NLRP13: variants seen among roughly 807,000 people sequenced by gnomAD.
NLRP13 encodes the protein NACHT, LRR and PYD domains-containing protein 13.
A neutral mutation model predicts 94.4 loss-of-function variants in NLRP13; 82 were observed. The ratio of observed to expected loss-of-function variants is 0.87; its 90% CI spans 0.73 to 1.04. NLRP13 has a LOEUF of 1.04. Ranked by LOEUF, NLRP13 falls within the 50% of genes least tolerant of loss-of-function variation. The pLI is 0.00. For synonymous variants in NLRP13, 553 were observed against 464.7 expected, an observed-to-expected ratio of 1.19 and a Z score of -2.45; for missense variants, 1,426 against 1,230.8, an observed-to-expected ratio of 1.16 and a Z score of -2.37.
chr19:55,924,575 A>C lies in NLRP13; in HGVS notation c.457+15T>G, dbSNP rs191058419. On this transcript the variant is annotated intron_variant, in intron 3 of 10. Transcript: ENST00000342929. ...TCAAGCAACCTGTCAATTATCAACC[A>C]AGTAATGTACACACCTGTTTCTTCT... is the stretch of plus-strand genomic sequence containing the variant. 2.2e-4 allele frequency: 352 copies of C among 1,599,188 alleles called. No homozygotes were observed. The highest frequency in any genetic ancestry group is 2.9e-4 in the Non-Finnish European group (340 of 1,166,932).
chr19:55,931,336 G>A (rs1230682228), intron 1 of NLRP13, among the ~76,000 whole-genome samples: 1 of 152,062 alleles, frequency 6.6e-6, no homozygotes, highest in Non-Finnish European at 1.5e-5. Flanking sequence ...GCAAAACCAT[G>A]CATAAGCTAA....
chr19:55,893,360 T>G (rs991560014), downstream of NLRP13, among the ~76,000 whole-genome samples: 4 of 151,982 alleles, frequency 2.6e-5, no homozygotes, highest in Admixed American at 1.3e-4. Context: ...TGCACTCCTG[T>G]GTGGGCAACA....
chr19:55,922,523 T>TG (rs1247561690), intron 4 of NLRP13, among the ~76,000 whole-genome samples: 1 of 152,182 alleles, frequency 6.6e-6, no homozygotes, highest in East Asian at 1.9e-4. Context: ...AGATGGGGTT[T>TG]CACCATGTTG....
At position 55,917,708 on chromosome 19, in the gene NLRP13, C is replaced by A. The variant is rs74720599; in HGVS notation, c.524-4415G>T. Among the ~76,000 whole-genome samples, 1,186 of 151,902 alleles carry A rather than the reference C, an allele frequency of 7.8e-3. 16 individuals carry two copies. The highest frequency in any genetic ancestry group is 0.025 in the African/African-American group (1,056 of 41,452). ...GATTTTTATATAATGATAAAGGGAT[C>A]AATTCAAGAAGATATAATAATCCTA... On this transcript the variant is annotated intron_variant, in intron 4 of 10. Transcript: ENST00000342929.
rs148279918 is a variant in NLRP13 at position 55,906,075 on chromosome 19, C to T, written c.2448-963G>A. 4.1e-4 allele frequency among the ~76,000 whole-genome samples: 62 copies of T among 152,174 alleles called. No homozygotes were observed. In the East Asian group the frequency reaches 9.3e-3, roughly 23 times the overall value. On this transcript the variant is annotated intron_variant, in intron 7 of 10. Coordinates refer to ENST00000342929, the MANE Select transcript of NLRP13 (RefSeq NM_176810.2). ...AGAAGAGGCCAGGCGTGGTGGCTCA[C>T]GCCTGGAATCCCAGCACCTTGGGAG...
In NLRP13 at chr19:55,911,754, C is replaced by T. The variant is rs375060041; in HGVS notation, c.2063G>A (p.Arg688Lys). Reference sequence around the variant, plus strand: ...AAGGATGTGACTGCTAACAGAAAGCCTTAGCTTATTTAACCTTTTACAGTG... The same window carrying T: ...AAGGATGTGACTGCTAACAGAAAGCTTTAGCTTATTTAACCTTTTACAGTG... ...LKHCKRLNKL[R>K]LSVSSHILER... The change falls in exon 5 of 11, where the codon AGG (arginine) becomes AAG (lysine). Residue 688 changes from arginine (R) to lysine (K), a missense_variant. Coordinates refer to ENST00000342929, the MANE Select transcript of NLRP13 (RefSeq NM_176810.2). 11 of 1,613,392 alleles carry T rather than the reference C, an allele frequency of 6.8e-6. No individual in the cohort carries two copies. The highest frequency in any genetic ancestry group is 9.3e-6 in the Non-Finnish European group (11 of 1,179,682).
At chr19:55,894,569 A>G (rs76294894), downstream of NLRP13, among the ~76,000 whole-genome samples, 619 of 152,250 alleles carry the variant, frequency 4.1e-3, 7 homozygotes, top group African/African-American at 0.013. Flanking sequence ...CTTGGGACTC[A>G]GGATCAATGG....
intron 6 of NLRP13, among the ~76,000 whole-genome samples, chr19:55,908,639 G>A (rs981553882): frequency 1.3e-5 from 2 of 152,164 alleles, no homozygotes; most frequent in African/African-American, 4.8e-5. Context: ...GGATGGAGCT[G>A]GAGGCCATCA....
chr19:55,917,908 A>G (rs2123133298), intron 4 of NLRP13, among the ~76,000 whole-genome samples: 1 of 152,216 alleles, frequency 6.6e-6, no homozygotes, highest in East Asian at 1.9e-4. Context: ...CTTTAGACCA[A>G]ATGAAACTGA....
At position 55,924,590 on chromosome 19, in the gene NLRP13, C is replaced by A; in HGVS notation, c.457G>T (p.Gly153Trp). 6.2e-7 allele frequency: 1 copy of A among 1,610,806 alleles called. No homozygotes were observed. The highest frequency in any genetic ancestry group is 1.1e-5 in the South Asian group (1 of 90,972). Residue 153 changes from glycine (G) to tryptophan (W), a missense_variant and splice_region_variant, in exon 3 of 11, where the codon GGG (glycine) becomes TGG (tryptophan). By Grantham distance (184) the Gly-to-Trp change is radical. Transcript: ENST00000342929. ...EELDELEEET[G>W]NVQAQGCQDP... ...ATTATCAACCAAGTAATGTACACAC[C>A]TGTTTCTTCTTCTAGCTCGTCTAGT...
chr19:55,903,076 A>G (rs1357188351), intron 8 of NLRP13, among the ~76,000 whole-genome samples: 2 of 151,824 alleles, frequency 1.3e-5, no homozygotes, highest in African/African-American at 4.8e-5. Context: ...AACAGTTATA[A>G]TTATACTAAT....
intron 10 of NLRP13, among the ~76,000 whole-genome samples, chr19:55,898,390 A>C (rs992142465): frequency 6.6e-6 from 1 of 151,964 alleles, no homozygotes; most frequent in Non-Finnish European, 1.5e-5. Flanking sequence ...TCGTATTTTT[A>C]GTAGAGATGG....
intron 10 of NLRP13, among the ~76,000 whole-genome samples, chr19:55,897,422 A>T (rs1986045640): frequency 6.6e-6 from 1 of 152,068 alleles, no homozygotes; most frequent in Non-Finnish European, 1.5e-5. Context: ...CAGGAGGCTG[A>T]GGAGGAAGGA....
At chr19:55,896,719 C>G (rs1464886712) in intron 10 of NLRP13, among the ~76,000 whole-genome samples, 1 of 146,302 alleles carries the variant, frequency 6.8e-6, no homozygotes, top group East Asian at 2.1e-4. Flanking sequence ...GCTTGGGAGG[C>G]TGAGGCAGGG....
intron 4 of NLRP13, among the ~76,000 whole-genome samples, chr19:55,917,565 A>G (rs1986703368): frequency 6.6e-6 from 1 of 152,074 alleles, no homozygotes; most frequent in African/African-American, 2.4e-5. Context: ...CTGAAGGTAA[A>G]GGTGTAGAAA....
In NLRP13 at chr19:55,932,139, G is replaced by A; in HGVS notation, c.173C>T (p.Ala58Val). ...CAAAGGGTCGGCAGCTCTCAAGTTT[G>A]CCCAGGGGATACGCGGGAAGTGCCC... Reference protein sequence around the residue: ...PQGHFPRIPWANLRAADPLNL... With the variant: ...PQGHFPRIPWVNLRAADPLNL... Residue 58 changes from alanine (A) to valine (V), a missense_variant, in exon 1 of 11, where the codon GCA (alanine) becomes GTA (valine). Physicochemically the swap from Ala to Val is moderately conservative, Grantham distance 64. Transcript: ENST00000342929. 6.2e-7 allele frequency: 1 copy of A among 1,614,172 alleles called. No individual in the cohort carries two copies. The highest frequency in any genetic ancestry group is 1.1e-5 in the South Asian group (1 of 91,080).
intron 1 of NLRP13, 117 bp downstream of exon 1, chr19:55,931,876 G>A: frequency 1.2e-6 from 1 of 821,150 alleles, no homozygotes; most frequent in South Asian, 1.5e-5. Context: ...AGATTATCAA[G>A]GAGGATTTGT....
At chr19:55,892,341 C>T (rs942522829), downstream of NLRP13, among the ~76,000 whole-genome samples, 33 of 151,530 alleles carry the variant, frequency 2.2e-4, no homozygotes, top group African/African-American at 6.8e-4. Flanking sequence ...CTAGTAGTCC[C>T]GTGTCTTGTC....
In NLRP13 at chr19:55,912,866, G is replaced by T. The variant is rs755794031; in HGVS notation, c.951C>A (p.Ile317=). 2.5e-6 allele frequency: 4 copies of T among 1,614,030 alleles called. No homozygotes were observed. In the African/African-American group the frequency reaches 5.3e-5, roughly 22 times the overall value. The stretch of plus-strand genomic sequence containing the variant: ...AGCTCTCAGAGCGTGACTCAGATAT[G>T]ATTATTTCCTCAAAGCCATCAATAA... ...LFIIDGFEEI[I]ISESRSESLD... The change falls in exon 5 of 11, where the codon ATC becomes ATA. Residue 317 remains isoleucine (I), a synonymous_variant. Coordinates refer to ENST00000342929, the MANE Select transcript of NLRP13 (RefSeq NM_176810.2).
Sources: gnomAD v4.1 joint callset for allele counts (sites outside exome capture counted in the v4.1 genomes callset) on GRCh38, gnomAD v4.1.1 for gene constraint, MANE v1.5 for transcripts, NCBI Gene and HGNC (gene_info 2026-07-23, HGNC 2026-07-21) for gene names.